HSDL2: variants seen among roughly 807,000 people sequenced by gnomAD.
HSDL2 encodes the protein hydroxysteroid dehydrogenase-like protein 2.
HSDL2 carries 27 observed loss-of-function variants against 46.3 expected under a neutral mutation model. The observed-to-expected ratio is 0.58, with a 90% CI of 0.43 to 0.80. The LOEUF (loss-of-function observed/expected upper bound fraction) is 0.80. Among genes scored for constraint, HSDL2 ranks in the 30% least tolerant of loss-of-function variants. The pLI is 0.00. For missense variants in HSDL2, 451 were observed against 502.7 expected, an observed-to-expected ratio of 0.90 and a Z score of 0.98; for synonymous variants, 153 against 163.6, an observed-to-expected ratio of 0.94 and a Z score of 0.50.
chr9:112,444,748 A>T (rs759070534), intron 8 of HSDL2, among the ~76,000 whole-genome samples: 18 of 151,698 alleles, frequency 1.2e-4, no homozygotes, highest in Non-Finnish European at 1.9e-4. Flanking sequence ...CAAAAAACAA[A>T]CAAACGAAAA....
At chr9:112,404,879 A>T (rs1404951963) in intron 2 of HSDL2, among the ~76,000 whole-genome samples, 1 of 151,356 alleles carries the variant, frequency 6.6e-6, no homozygotes, top group East Asian at 1.9e-4. Flanking sequence ...GAGTGAAATG[A>T]TGTCAGGGAT....
chr9:112,419,636 T>A (rs1832075300), intron 6 of HSDL2, among the ~76,000 whole-genome samples: 1 of 152,196 alleles, frequency 6.6e-6, no homozygotes, highest in African/African-American at 2.4e-5. Context: ...CCTCACACAT[T>A]CTAACAAATG....
At chr9:112,397,302 C>G (rs967183859) in intron 1 of HSDL2, among the ~76,000 whole-genome samples, 5 of 152,104 alleles carry the variant, frequency 3.3e-5, no homozygotes, top group Non-Finnish European at 5.9e-5. Context: ...CAGGCAACAC[C>G]TCGTGATCAG....
At chr9:112,398,749 G>A (rs1309227253) in intron 1 of HSDL2, among the ~76,000 whole-genome samples, 3 of 152,016 alleles carry the variant, frequency 2.0e-5, no homozygotes, top group Non-Finnish European at 4.4e-5. Flanking sequence ...ACCAGTTCCT[G>A]GAATTTTGCA....
chr9:112,402,331 A>T (rs913670008), intron 1 of HSDL2, among the ~76,000 whole-genome samples: 1 of 152,136 alleles, frequency 6.6e-6, no homozygotes, highest in Non-Finnish European at 1.5e-5. Context: ...CCAGGGTGGG[A>T]GGATCACATA....
intron 6 of HSDL2, among the ~76,000 whole-genome samples, chr9:112,424,788 A>G (rs1350996575): frequency 6.6e-6 from 1 of 151,268 alleles, no homozygotes; most frequent in Non-Finnish European, 1.5e-5. Context: ...TTAATTAAAT[A>G]TATTACTAGA....
At chr9:112,450,955 T>G (rs900758130) in intron 8 of HSDL2, among the ~76,000 whole-genome samples, 2 of 152,090 alleles carry the variant, frequency 1.3e-5, no homozygotes, top group Non-Finnish European at 2.9e-5. Flanking sequence ...GTAATCCCAA[T>G]CATGGGTGGC....
intron 9 of HSDL2, among the ~76,000 whole-genome samples, chr9:112,457,083 G>C (rs187499774): frequency 6.6e-6 from 1 of 152,138 alleles, no homozygotes; most frequent in African/African-American, 2.4e-5. Context: ...CGGAGGCGGA[G>C]GTTGCGGTGA....
intron 10 of HSDL2, among the ~76,000 whole-genome samples, chr9:112,462,540 G>A (rs1833241279): frequency 6.6e-6 from 1 of 151,670 alleles, no homozygotes; most frequent in African/African-American, 2.4e-5. Context: ...CCACTGTATG[G>A]TGGAGCAGTA....
At chr9:112,423,509 C>A (rs748055723) in intron 6 of HSDL2, among the ~76,000 whole-genome samples, 1 of 151,744 alleles carries the variant, frequency 6.6e-6, no homozygotes, top group Non-Finnish European at 1.5e-5. Context: ...GGGGTTTCAC[C>A]ATGTTGGCCA....
intron 1 of HSDL2, among the ~76,000 whole-genome samples, chr9:112,398,180 C>G (rs572460867): frequency 3.3e-5 from 5 of 151,898 alleles, no homozygotes; most frequent in Admixed American, 2.6e-4. Flanking sequence ...CCTGTGCAAC[C>G]AGAGTGGCAG....
intron 3 of HSDL2, among the ~76,000 whole-genome samples, chr9:112,406,905 A>G (rs530178567): frequency 3.3e-5 from 5 of 152,334 alleles, no homozygotes; most frequent in Non-Finnish European, 4.4e-5. Context: ...ATGGTATTAT[A>G]GTAGGGCACC....
chr9:112,387,050 A>G (rs1345397270), intron 1 of HSDL2, among the ~76,000 whole-genome samples: 1 of 152,202 alleles, frequency 6.6e-6, no homozygotes, highest in Non-Finnish European at 1.5e-5. Flanking sequence ...AAAAACTGAG[A>G]TAGTTATAAA....
Position 112,380,160 on chromosome 9 carries a change from A to G in HSDL2, c.-4A>G, listed in dbSNP as rs769601863. ...GCCGCCACCTCCTCTGATCTACGAA[A>G]GTCATGTTACCCAACACCGGGTAAG... On this transcript the variant is annotated 5_prime_UTR_variant, in exon 1 of 11. Transcript: ENST00000398805. 4.5e-6 allele frequency: 7 copies of G among 1,572,496 alleles called. No homozygotes were observed. Among genetic ancestry groups the G allele is most frequent in the Non-Finnish European group, 6.0e-6 (7 of 1,158,276 alleles).
chr9:112,394,639 C>T (rs983808594), intron 1 of HSDL2, among the ~76,000 whole-genome samples: 2 of 152,124 alleles, frequency 1.3e-5, no homozygotes, highest in African/African-American at 2.4e-5. Context: ...ATTACTCCCC[C>T]TTTCATTTGT....
intron 4 of HSDL2, among the ~76,000 whole-genome samples, chr9:112,411,331 AAGGT>A (rs1831860997): frequency 6.6e-6 from 1 of 152,220 alleles, no homozygotes; most frequent in East Asian, 1.9e-4. Context: ...TTCGATATGT[AAGGT>A]AGGTCTCTAT....
chr9:112,431,863 G>A (rs753786336), intron 6 of HSDL2, among the ~76,000 whole-genome samples: 18 of 138,450 alleles, frequency 1.3e-4, no homozygotes, highest in Non-Finnish European at 2.4e-4. Context: ...CCCAGTCTCA[G>A]GTATTTCTTT....
At chr9:112,381,321 GC>G (rs1239816656) in intron 1 of HSDL2, among the ~76,000 whole-genome samples, 2 of 152,014 alleles carry the variant, frequency 1.3e-5, no homozygotes, top group Non-Finnish European at 2.9e-5. Flanking sequence ...GCACCGCTGT[GC>G]CCAGGGACAT....
chr9:112,454,259 T>C (rs1402522631), intron 9 of HSDL2, 97 bp downstream of exon 9: 6 of 931,284 alleles, frequency 6.4e-6, no homozygotes, highest in South Asian at 1.6e-5. Context: ...CCCTGGATAG[T>C]TGGCTGCATT....
Sources: allele counts gnomAD v4.1 joint callset (sites outside exome capture counted in the v4.1 genomes callset), GRCh38; gene constraint gnomAD v4.1.1; transcripts MANE v1.5; gene names NCBI Gene and HGNC (gene_info 2026-07-23, HGNC 2026-07-21).